The following CABIN1 variants were observed in gnomAD, a reference collection of about 807,000 sequenced individuals.
CABIN1 encodes the protein calcineurin-binding protein cabin-1.
CABIN1 carries 133 observed loss-of-function variants against 227.7 expected under a neutral mutation model. The observed-to-expected ratio is 0.58, with a 90% CI of 0.51 to 0.67. The LOEUF is 0.67. Among genes scored for constraint, CABIN1 ranks in the 30% least tolerant of loss-of-function variants. The pLI is 0.00. For synonymous variants in CABIN1, 1,086 were observed against 1,155.1 expected (o/e 0.94, Z 1.21); for missense variants, 2,408 against 2,852.5 (o/e 0.84, Z 3.55).
intron 28 of CABIN1, among the ~76,000 whole-genome samples, chr22:24,130,587 G>T (rs1257541746): frequency 2.0e-5 from 3 of 152,114 alleles, no homozygotes; most frequent in East Asian, 3.8e-4. Context: ...CAGGTGCACC[G>T]TGCAAGTCAG....
At chr22:24,050,086 T>C (rs1350640802) in intron 7 of CABIN1, among the ~76,000 whole-genome samples, 1 of 152,212 alleles carries the variant, frequency 6.6e-6, no homozygotes, top group Non-Finnish European at 1.5e-5. Flanking sequence ...CCCTCTGGTC[T>C]TCCTTGGCCC....
chr22:24,026,544 ATTT>A (rs1176754669), intron 1 of CABIN1, among the ~76,000 whole-genome samples: 1 of 151,768 alleles, frequency 6.6e-6, no homozygotes, highest in Non-Finnish European at 1.5e-5. Flanking sequence ...ATTTTGAGTT[ATTT>A]TTTGTATTAC....
At chr22:24,145,936 C>T (rs1480107916) in intron 29 of CABIN1, among the ~76,000 whole-genome samples, 1 of 152,208 alleles carries the variant, frequency 6.6e-6, no homozygotes, top group Non-Finnish European at 1.5e-5. Flanking sequence ...CTGTAGACAT[C>T]CCACCCTGGC....
chr22:24,031,941 A>G (rs1601694965), intron 1 of CABIN1, among the ~76,000 whole-genome samples: 1 of 152,242 alleles, frequency 6.6e-6, no homozygotes. Context: ...CTAATTGGAA[A>G]CTATTCTATT....
chr22:24,150,631 G>C (rs1162130171), intron 29 of CABIN1, among the ~76,000 whole-genome samples: 1 of 152,230 alleles, frequency 6.6e-6, no homozygotes, highest in East Asian at 1.9e-4. Context: ...AGGACAGGGG[G>C]CTAGAGAGAC....
At chr22:24,154,710 C>T (rs980702429) in intron 29 of CABIN1, among the ~76,000 whole-genome samples, 9 of 152,150 alleles carry the variant, frequency 5.9e-5, no homozygotes, top group African/African-American at 1.7e-4. Context: ...TGAGTTCCTC[C>T]TGGAGGGAAG....
At chr22:24,043,555 C>T (rs185192169) in intron 6 of CABIN1, among the ~76,000 whole-genome samples, 13 of 152,094 alleles carry the variant, frequency 8.5e-5, no homozygotes, top group Middle Eastern at 6.8e-3. Flanking sequence ...AGTTTGAGAC[C>T]AGCCTGGGCA....
chr22:24,167,163 C>G lies in CABIN1; in HGVS notation c.5532C>G (p.Ser1844Arg). 6.2e-7 allele frequency: 1 copy of G among 1,608,408 alleles called. No homozygotes were observed. The highest frequency in any genetic ancestry group is 1.1e-5 in the South Asian group (1 of 89,906). Residue 1844 changes from serine (S) to arginine (R), a missense_variant, in exon 32 of 37, where the codon AGC becomes AGG. Physicochemically the swap from Ser to Arg is moderately radical, Grantham distance 110. Transcript: ENST00000263119. Reference protein sequence around the residue: ...GHPEEPLSRLSRKRKLLEDTE... With the variant: ...GHPEEPLSRLRRKRKLLEDTE... ...CGGAGGAGCCGCTCTCCCGGCTCAG[C>G]CGCAAGAGGAAGCTCCTGGAGGACA...
At position 24,070,768 on chromosome 22, in the gene CABIN1, C is replaced by A. The variant is rs747179906; in HGVS notation, c.2233-32C>A. The A allele has an allele frequency of 3.1e-6, 5 of 1,613,922 alleles. No individual in the cohort carries two copies. In the East Asian group the frequency reaches 1.1e-4, roughly 36 times the overall value. On this transcript the variant is annotated intron_variant, in intron 16 of 36. Transcript: ENST00000263119. Reference sequence around the variant, plus strand: ...TTGGGCCCAGATGTGCTGAGCTCACCGTGCACTTCACCTGGCTTCTTGCTG... The same window carrying A: ...TTGGGCCCAGATGTGCTGAGCTCACAGTGCACTTCACCTGGCTTCTTGCTG...
intron 29 of CABIN1, among the ~76,000 whole-genome samples, chr22:24,156,743 A>T (rs946406585): frequency 6.6e-6 from 1 of 151,484 alleles, no homozygotes; most frequent in Non-Finnish European, 1.5e-5. Flanking sequence ...GGGAGGAGTG[A>T]GGTTAGGGGT....
intron 26 of CABIN1, among the ~76,000 whole-genome samples, chr22:24,112,236 T>A (rs912917129): frequency 2.0e-5 from 3 of 152,256 alleles, no homozygotes; most frequent in African/African-American, 7.2e-5. Context: ...GTAATATTTA[T>A]GCCTGGAATA....
At chr22:24,068,334 G>A (rs980337141) in intron 16 of CABIN1, among the ~76,000 whole-genome samples, 51 of 152,220 alleles carry the variant, frequency 3.4e-4, no homozygotes, top group African/African-American at 1.1e-3. Context: ...GCATGGCTAT[G>A]TGTGGGAGGG....
At chr22:24,121,954 C>T (rs892184590) in intron 28 of CABIN1, among the ~76,000 whole-genome samples, 2 of 152,126 alleles carry the variant, frequency 1.3e-5, no homozygotes, top group African/African-American at 2.4e-5. Flanking sequence ...GATGGAATTT[C>T]GGGTACAAAA....
chr22:24,085,225 G>C lies in CABIN1; in HGVS notation c.3263+74G>C, dbSNP rs1569189178. On this transcript the variant is annotated intron_variant, in intron 22 of 36. Coordinates refer to ENST00000263119, the MANE Select transcript of CABIN1 (RefSeq NM_012295.4). ...TGACTCCAGCTCAGCAAGCTCTTCA[G>C]TGGGCCACTTTGGGGTTTCCCTGTC... is the stretch of plus-strand genomic sequence containing the variant. The C allele has an allele frequency of 4.6e-6, 7 of 1,529,226 alleles. No individual in the cohort carries two copies. In the East Asian group the frequency reaches 6.8e-5, roughly 15 times the overall value. The allele number at this position is 1,529,226 out of a possible 1,614,324, so 94.7% of individuals were successfully genotyped here. A position where few individuals can be genotyped will look rare whatever the true frequency, so the allele number is the denominator to read the frequency against.
intron 29 of CABIN1, among the ~76,000 whole-genome samples, chr22:24,157,366 C>T (rs1023434664): frequency 2.0e-5 from 3 of 152,126 alleles, no homozygotes; most frequent in Non-Finnish European, 4.4e-5. Context: ...TAGGGAGGCT[C>T]CAGAAGGGGC....
At chr22:24,012,797 G>C (rs1224162276) in intron 1 of CABIN1, among the ~76,000 whole-genome samples, 5 of 152,160 alleles carry the variant, frequency 3.3e-5, no homozygotes, top group Admixed American at 3.3e-4. Context: ...GCCTTGGTCT[G>C]TCGCCCAGGC....
Position 24,084,690 on chromosome 22 carries a change from C to A in CABIN1, c.3022C>A (p.Leu1008Ile). 6.2e-7 allele frequency: 1 copy of A among 1,614,218 alleles called. No individual in the cohort carries two copies. Among genetic ancestry groups the A allele is most frequent in the South Asian group, 1.1e-5 (1 of 91,086 alleles). The part of the protein sequence containing the change: ...TSTVSADLAN[L>I]LKRIATIVPR... The stretch of plus-strand genomic sequence containing the variant: ...CACCGTGTCTGCTGACTTGGCCAAC[C>A]TACTGAAGAGAATTGCCACCATTGT... The change falls in exon 21 of 37, where the codon CTA (leucine) becomes ATA (isoleucine). Residue 1008 changes from leucine to isoleucine, a missense_variant. Leu to Ile is a conservative substitution (Grantham distance 5, BLOSUM62 2). Transcript: ENST00000263119.
chr22:24,093,737 G>C (rs2035185354), intron 24 of CABIN1, among the ~76,000 whole-genome samples: 1 of 151,694 alleles, frequency 6.6e-6, no homozygotes, highest in Admixed American at 6.6e-5. Flanking sequence ...AGATTAACAA[G>C]GCCTGGTGGC....
At chr22:24,109,823 G>C (rs1222340785) in intron 26 of CABIN1, among the ~76,000 whole-genome samples, 3 of 152,202 alleles carry the variant, frequency 2.0e-5, no homozygotes, top group Non-Finnish European at 4.4e-5. Flanking sequence ...TTGGTTGCTA[G>C]TTTATTGAGC....
Sources: gnomAD v4.1 joint callset for allele counts (sites outside exome capture counted in the v4.1 genomes callset) on GRCh38, gnomAD v4.1.1 for gene constraint, MANE v1.5 for transcripts, NCBI Gene and HGNC (gene_info 2026-07-23, HGNC 2026-07-21) for gene names.